Variants in RNF115 observed in about 807,000 individuals in gnomAD.
RNF115 encodes E3 ubiquitin-protein ligase RNF115.
Under a neutral mutation model 39.2 loss-of-function variants are expected in RNF115, and 31 were observed. The observed-to-expected ratio is 0.79, with a 90% confidence interval of 0.59 to 1.07. The LOEUF (loss-of-function observed/expected upper bound fraction) is 1.07, where lower values mean the gene tolerates loss of function less well. Among genes scored for constraint, RNF115 ranks in the 50% least tolerant of loss-of-function variants. RNF115 has a pLI of 0.00. For missense variants in RNF115, 384 were observed against 381.7 expected, an observed-to-expected ratio of 1.01 and a Z score of -0.05; for synonymous variants, 124 against 131.0, an observed-to-expected ratio of 0.95 and a Z score of 0.37.
intron 1 of RNF115, among the ~76,000 whole-genome samples, chr1:145,806,163 C>A (rs1275407836): frequency 6.6e-6 from 1 of 152,072 alleles, no homozygotes; most frequent in Non-Finnish European, 1.5e-5. Context: ...GCCTGGCCAA[C>A]AGGGTGAAAC....
intron 4 of RNF115, among the ~76,000 whole-genome samples, chr1:145,768,648 C>T (rs879983227): frequency 2.2e-4 from 34 of 152,206 alleles, no homozygotes; most frequent in Non-Finnish European, 4.1e-4. Context: ...CAGTGAAACC[C>T]GTAGAATGAA....
chr1:145,809,488 ATTTTT>A (rs781918386), intron 1 of RNF115, among the ~76,000 whole-genome samples: 2 of 46,344 alleles, frequency 4.3e-5, no homozygotes, highest in Non-Finnish European at 7.1e-5. Context: ...GACCCAGCTA[ATTTTT>A]TTTTTTTTTT....
intron 2 of RNF115, chr1:145,787,186 C>A: frequency 6.8e-6 from 3 of 442,846 alleles, no homozygotes; most frequent in Non-Finnish European, 1.3e-5. Flanking sequence ...AATTTTCAGA[C>A]GAATGTTTAA....
At chr1:145,778,632 C>T (rs1300006373) in intron 3 of RNF115, among the ~76,000 whole-genome samples, 1 of 152,164 alleles carries the variant, frequency 6.6e-6, no homozygotes, top group Non-Finnish European at 1.5e-5. Context: ...GGAAGATACT[C>T]ATCACCCCGA....
In RNF115 at chr1:145,740,046, A is replaced by G. The variant is rs1442493532; in HGVS notation, c.*6820T>C. 1.3e-5 allele frequency: 2 copies of G among 152,204 alleles called. No individual in the cohort carries two copies. The highest frequency in any genetic ancestry group is 2.9e-5 in the Non-Finnish European group (2 of 68,034). The allele number at this position is 152,204 out of a possible 1,614,324, so 9.4% of individuals were successfully genotyped here. A position where few individuals can be genotyped will look rare whatever the true frequency, so the allele number is the denominator to read the frequency against. On this transcript the variant is annotated 3_prime_UTR_variant, in exon 9 of 9. Coordinates refer to ENST00000582693, the MANE Select transcript of RNF115 (RefSeq NM_014455.4). ...CTCCAAAGTCTCCAAAGCTTTCTCC[A>G]CTACATCACATTCATCTTAATCTTT... is the stretch of plus-strand genomic sequence containing the variant.
chr1:145,761,508 C>G (rs959075553), intron 4 of RNF115, among the ~76,000 whole-genome samples: 7 of 152,260 alleles, frequency 4.6e-5, no homozygotes, highest in Non-Finnish European at 2.9e-5. Context: ...TCAGAGAGTG[C>G]AAGCCCAAAG....
chr1:145,766,850 G>A (rs868920504), intron 4 of RNF115, among the ~76,000 whole-genome samples: 1,056 of 53,366 alleles, frequency 0.02, 207 homozygotes, highest in African/African-American at 0.086. Flanking sequence ...GCGGCTGTCC[G>A]GGCAGAGGGG....
At chr1:145,749,585 T>C (rs782554201) in intron 7 of RNF115, among the ~76,000 whole-genome samples, 13 of 152,182 alleles carry the variant, frequency 8.5e-5, no homozygotes, top group South Asian at 2.1e-4. Flanking sequence ...CATTATGCAA[T>C]GAGTGAGGAA....
intron 2 of RNF115, 47 bp from the exon 3 acceptor site, chr1:145,784,643 T>C (rs782025101): frequency 1.9e-6 from 3 of 1,551,826 alleles, no homozygotes; most frequent in Admixed American, 1.7e-5. Context: ...AGGAACAAGC[T>C]CCCCTCCCAG....
chr1:145,800,608 G>A (rs955765931), intron 1 of RNF115, among the ~76,000 whole-genome samples: 1 of 152,084 alleles, frequency 6.6e-6, no homozygotes, highest in Non-Finnish European at 1.5e-5. Context: ...TGGATAAAGA[G>A]GCCATCTCAA....
intron 3 of RNF115, chr1:145,772,121 A>C (rs587685292): frequency 2.0e-6 from 1 of 505,386 alleles, no homozygotes; most frequent in Admixed American, 3.8e-5. Context: ...GTAATGACAA[A>C]TTGTTTTCCA....
chr1:145,819,329 G>A (rs1399988895), intron 1 of RNF115, among the ~76,000 whole-genome samples: 10 of 146,824 alleles, frequency 6.8e-5, no homozygotes, highest in African/African-American at 2.0e-4. Context: ...CATACCCGTA[G>A]GTCCAGCTAC....
At chr1:145,812,645 G>C (rs1351666308) in intron 1 of RNF115, among the ~76,000 whole-genome samples, 1 of 145,066 alleles carries the variant, frequency 6.9e-6, no homozygotes, top group Non-Finnish European at 1.5e-5. Flanking sequence ...GGGTGACAGA[G>C]TGAGGCTTCA....
At chr1:145,752,235 T>C (rs1658113952) in intron 5 of RNF115, among the ~76,000 whole-genome samples, 1 of 152,180 alleles carries the variant, frequency 6.6e-6, no homozygotes, top group African/African-American at 2.4e-5. Context: ...TTACAGCCTA[T>C]TGTTTCTTCT....
At chr1:145,757,700 T>C (rs1344700288) in intron 4 of RNF115, among the ~76,000 whole-genome samples, 3 of 152,230 alleles carry the variant, frequency 2.0e-5, no homozygotes, top group East Asian at 3.8e-4. Context: ...ACTATCAGAA[T>C]TGCTGTGAAC....
intron 5 of RNF115, among the ~76,000 whole-genome samples, chr1:145,752,580 C>A (rs1444586056): frequency 1.2e-5 from 1 of 84,894 alleles, no homozygotes; most frequent in Non-Finnish European, 2.0e-5. Context: ...CTCACCTATG[C>A]AGCTCTTTTT....
rs1559098332 is a variant in RNF115, at chr1:145,740,860, G to C, written c.*6006C>G. 2.6e-5 allele frequency: 4 copies of C among 152,122 alleles called. No homozygotes were observed. Among genetic ancestry groups the C allele is most frequent in the South Asian group, 4.1e-4 (2 of 4,822 alleles). The allele number at this position is 152,122 out of a possible 1,614,324, so 9.4% of individuals were successfully genotyped here. A position where few individuals can be genotyped will look rare whatever the true frequency, so the allele number is the denominator to read the frequency against. On this transcript the variant is annotated 3_prime_UTR_variant, in exon 9 of 9. Coordinates refer to ENST00000582693, the MANE Select transcript of RNF115 (RefSeq NM_014455.4). The stretch of plus-strand genomic sequence containing the variant: ...CTAATAATTTGGGGGTTTTTGTTTT[G>C]AGACAGGGTCTCTCTCTGTTGCCCT...
rs1350533150 is a variant in RNF115 at position 145,740,229 on chromosome 1, A to G, written c.*6637T>C. On this transcript the variant is annotated 3_prime_UTR_variant, in exon 9 of 9. Transcript: ENST00000582693. ...TCAGAAGATATATCCAACTATAGGAAAAGTTTCAGCCATTGTACTATACTA... is the reference window on the plus strand; with the variant it reads ...TCAGAAGATATATCCAACTATAGGAGAAGTTTCAGCCATTGTACTATACTA... 1.3e-5 allele frequency: 2 copies of G among 152,260 alleles called. No homozygotes were observed. Among genetic ancestry groups the G allele is most frequent in the African/African-American group, 2.4e-5 (1 of 41,460 alleles). The allele number at this position is 152,260 out of a possible 1,614,324, so 9.4% of individuals were successfully genotyped here.
At chr1:145,758,859 C>A (rs186261781) in intron 4 of RNF115, among the ~76,000 whole-genome samples, 4 of 152,008 alleles carry the variant, frequency 2.6e-5, no homozygotes, top group African/African-American at 7.3e-5. Flanking sequence ...GCTCAGAGAA[C>A]AATAGTTGAC....
Sources: allele counts gnomAD v4.1 joint callset (sites outside exome capture counted in the v4.1 genomes callset), GRCh38; gene constraint gnomAD v4.1.1; transcripts MANE v1.5; gene names NCBI Gene and HGNC (gene_info 2026-07-23, HGNC 2026-07-21).